Variants in VPS9D1 observed in about 807,000 individuals in gnomAD.
The protein encoded by VPS9D1 is VPS9 domain-containing protein 1.
A neutral mutation model predicts 75.8 loss-of-function variants in VPS9D1; 78 were observed. That is an observed-to-expected ratio of 1.03 (90% CI 0.86 to 1.24). The LOEUF (loss-of-function observed/expected upper bound fraction) is 1.24, where lower values mean the gene tolerates loss of function less well. Ranked by LOEUF, VPS9D1 falls within the 50% of genes most tolerant of loss-of-function variation. VPS9D1 has a pLI of 0.00. For missense variants in VPS9D1, 1,057 were observed against 847.7 expected (o/e 1.25, Z -3.07); for synonymous variants, 481 against 385.6 (o/e 1.25, Z -2.90).
At chr16:89,713,683 G>C (rs2060994949) in intron 4 of VPS9D1, among the ~76,000 whole-genome samples, 1 of 151,966 alleles carries the variant, frequency 6.6e-6, no homozygotes, top group South Asian at 2.1e-4. Flanking sequence ...GACTTCGAAT[G>C]TGGCCCAACA....
At chr16:89,708,170 C>T (rs1306137258) in intron 14 of VPS9D1, among the ~76,000 whole-genome samples, 2 of 152,214 alleles carry the variant, frequency 1.3e-5, no homozygotes, top group Non-Finnish European at 2.9e-5. Flanking sequence ...ATCCTTATCC[C>T]CTCCCCAGGC....
At chr16:89,709,538 A>G (rs72807526) in intron 11 of VPS9D1, 103 bp from the exon 12 acceptor site, 503,196 of 1,347,390 alleles carry the variant, frequency 0.37, 103,239 homozygotes, top group Middle Eastern at 0.42. Context: ...CTGGCTATGT[A>G]TCTCAAGCAA....
Position 89,712,054 on chromosome 16 carries a change from C to A in VPS9D1, c.652G>T (p.Ala218Ser). The change falls in exon 7 of 15, where the codon GCC (alanine) becomes TCC (serine). Residue 218 changes from alanine (A) to serine (S), a missense_variant. By Grantham distance (99) the Ala-to-Ser change is moderately conservative (BLOSUM62 1). Transcript: ENST00000389386. Reference sequence around the variant, plus strand: ...GGCGGGCAGGAGTCCCACCTGTTGGCGGCCTCCTGGAGCCGCAGCCGGCGC... The same window carrying A: ...GGCGGGCAGGAGTCCCACCTGTTGGAGGCCTCCTGGAGCCGCAGCCGGCGC... Reference protein sequence around the residue: ...EERRLRLQEAANRRFCSQVAL... With the variant: ...EERRLRLQEASNRRFCSQVAL... 1 of 1,548,816 alleles carries A rather than the reference C, an allele frequency of 6.5e-7. No homozygotes were observed. Among genetic ancestry groups the A allele is most frequent in the Non-Finnish European group, 8.7e-7 (1 of 1,146,768 alleles).
rs1011100710 is a variant in VPS9D1 at position 89,720,839 on chromosome 16, C to T, written c.23G>A (p.Gly8Asp). 67 of 1,426,572 alleles carry T rather than the reference C, an allele frequency of 4.7e-5. No individual in the cohort carries two copies. The African/African-American group carries it at 8.3e-4, about 18-fold the overall frequency. The allele number at this position is 1,426,572 out of a possible 1,614,324, so 88.4% of individuals were successfully genotyped here. A position where few individuals can be genotyped will look rare whatever the true frequency, so the allele number is the denominator to read the frequency against. MAAAAGDGTVKPLQSAMK... is the reference protein window; with the variant it reads MAAAAGDDTVKPLQSAMK... ...GGCGCTCTGCAGCGGCTTCACCGTG[C>T]CGTCCCCGGCCGCAGCGGCCATGGC... Residue 8 changes from glycine (G) to aspartate (D), a missense_variant, in exon 1 of 15, where the codon GGC becomes GAC. Coordinates refer to ENST00000389386, the MANE Select transcript of VPS9D1 (RefSeq NM_004913.3).
At chr16:89,716,898 G>C (rs564609953) in intron 2 of VPS9D1, 76 bp from the exon 3 acceptor site, 2 of 1,368,490 alleles carry the variant, frequency 1.5e-6, no homozygotes, top group Admixed American at 2.8e-5. Context: ...ATGAGGCAAC[G>C]GAAAAGGCAG....
intron 2 of VPS9D1, chr16:89,718,075 C>A (rs572976923): frequency 1.9e-4 from 85 of 453,146 alleles, no homozygotes; most frequent in African/African-American, 9.6e-4. Flanking sequence ...GACCTCTGTG[C>A]TCTATGTCCA....
rs181230902 is a variant in VPS9D1 at position 89,718,020 on chromosome 16, T to C, written c.175+1007A>G. The C allele has an allele frequency of 1.5e-4, 66 of 452,218 alleles. 1 individual carries two copies. The highest frequency in any genetic ancestry group is 1.3e-3 in the African/African-American group (64 of 48,528). 28.0% of individuals were successfully genotyped at this position (452,218 alleles called of 1,614,324 possible). A position where few individuals can be genotyped will look rare whatever the true frequency, so the allele number is the denominator to read the frequency against. On this transcript the variant is annotated intron_variant, in intron 2 of 14. Transcript: ENST00000389386. ...CCGACCTCTGTGCTCCCACGTCCAG[T>C]GGGTCCCCCTGACCTCTGTGATCCC...
intron 14 of VPS9D1, among the ~76,000 whole-genome samples, 172 bp from the exon 15 acceptor site, chr16:89,708,126 C>T (rs113299359): frequency 2.6e-5 from 4 of 152,228 alleles, no homozygotes; most frequent in African/African-American, 7.2e-5. Flanking sequence ...ACTATGTGCT[C>T]GTCCTTGGAC....
At chr16:89,714,624 G>C (rs141663035) in intron 4 of VPS9D1, among the ~76,000 whole-genome samples, 1 of 152,180 alleles carries the variant, frequency 6.6e-6, no homozygotes, top group Non-Finnish European at 1.5e-5. Flanking sequence ...GACCCTTCTC[G>C]TCTCTCCCAC....
chr16:89,712,955 C>G lies in VPS9D1; in HGVS notation c.432-239G>C, dbSNP rs193247693. 6.7e-3 allele frequency: 2,464 copies of G among 368,174 alleles called. 18 individuals carry two copies. The highest frequency in any genetic ancestry group is 0.031 in the South Asian group (654 of 20,790). The allele number at this position is 368,174 out of a possible 1,614,324, so 22.8% of individuals were successfully genotyped here. On this transcript the variant is annotated intron_variant, in intron 4 of 14. Transcript: ENST00000389386. Reference sequence around the variant, plus strand: ...TGCCAGCACTTTAGGAGGCTAAGGCCGGGCGGATCACCTGAGGTCAGGAGT... The same window carrying G: ...TGCCAGCACTTTAGGAGGCTAAGGCGGGGCGGATCACCTGAGGTCAGGAGT...
chr16:89,711,392 C>T lies in VPS9D1; in HGVS notation c.768G>A (p.Lys256=), dbSNP rs768407828. The T allele has an allele frequency of 1.9e-6, 3 of 1,609,430 alleles. No homozygotes were observed. The East Asian group carries it at 6.7e-5, about 36-fold the overall frequency. ...CCCCCGGATTCCTCTTGAGCTTGGCCTTCCAGTGCTTCGGCCAGTCCTACG... is the reference window on the plus strand; with the variant it reads ...CCCCCGGATTCCTCTTGAGCTTGGCTTTCCAGTGCTTCGGCCAGTCCTACG... ...EQDHDWPKHW[K]AKLKRNPGDL... is the part of the protein sequence containing the mutation. The change falls in exon 9 of 15, where the codon AAG becomes AAA. Residue 256 remains lysine (K), a synonymous_variant. Coordinates refer to ENST00000389386, the MANE Select transcript of VPS9D1 (RefSeq NM_004913.3).
In VPS9D1 at chr16:89,708,924, C is replaced by T. The variant is rs1204712438; in HGVS notation, c.1630G>A (p.Glu544Lys). ...RTLRIICVCA[E>K]DYCPTPEATP... ...GCCTCTGGGGTGGGGCAGTAGTCTT[C>T]CGCACAGACACAGATGATCCGCAGG... The change falls in exon 13 of 15, where the codon GAA becomes AAA. Residue 544 changes from glutamate to lysine, a missense_variant. Physicochemically the swap from Glu to Lys is moderately conservative, Grantham distance 56. Coordinates refer to ENST00000389386, the MANE Select transcript of VPS9D1 (RefSeq NM_004913.3). The T allele has an allele frequency of 6.2e-7, 1 of 1,604,050 alleles. No individual in the cohort carries two copies. Among genetic ancestry groups the T allele is most frequent in the African/African-American group, 1.3e-5 (1 of 74,774 alleles).
At chr16:89,709,469 AG>A (rs771910997) in intron 11 of VPS9D1, 34 bp from the exon 12 acceptor site, 1 of 1,492,424 alleles carries the variant, frequency 6.7e-7, no homozygotes, top group South Asian at 1.3e-5. Flanking sequence ...AAGCTGCCCC[AG>A]GGACCTTGCC....
chr16:89,710,735 G>A lies in VPS9D1; in HGVS notation c.1109C>T (p.Ala370Val). 3 of 1,589,052 alleles carry A rather than the reference G, an allele frequency of 1.9e-6. No individual in the cohort carries two copies. The highest frequency in any genetic ancestry group is 2.6e-6 in the Non-Finnish European group (3 of 1,167,978). ...VGSPSPLGDT[A>V]SGLPDKDSSF... ...GCTGTCCTTGTCTGGCAATCCAGAT[G>A]CGGTGTCCCCCAGGGGTGAGGGAGA... is the stretch of plus-strand genomic sequence containing the variant. Residue 370 changes from alanine (A) to valine (V), a missense_variant, in exon 10 of 15, where the codon GCA becomes GTA. By Grantham distance (64) the Ala-to-Val change is moderately conservative. Coordinates refer to ENST00000389386, the MANE Select transcript of VPS9D1 (RefSeq NM_004913.3).
chr16:89,715,263 G>A (rs1416222043), intron 4 of VPS9D1, among the ~76,000 whole-genome samples: 1 of 129,836 alleles, frequency 7.7e-6, no homozygotes, highest in African/African-American at 2.9e-5. Context: ...GTCTTGCTCT[G>A]TCGCCCAGGC....
At chr16:89,711,286 C>T (rs758607587) in intron 9 of VPS9D1, 41 bp downstream of exon 9, 3 of 1,563,694 alleles carry the variant, frequency 1.9e-6, no homozygotes, top group African/African-American at 2.7e-5. Context: ...GTGCCCAAGG[C>T]CGGTGCGCAG....
intron 14 of VPS9D1, 46 bp from the exon 15 acceptor site, chr16:89,708,000 G>A (rs1195837145): frequency 6.3e-7 from 1 of 1,580,416 alleles, no homozygotes. Flanking sequence ...ACGAACAGAA[G>A]GATACCCCCG....
chr16:89,707,632 T>A lies in VPS9D1; in HGVS notation c.*229A>T, dbSNP rs2060823224. 1 of 524,954 alleles carries A rather than the reference T, an allele frequency of 1.9e-6. No individual in the cohort carries two copies. Among genetic ancestry groups the A allele is most frequent in the Non-Finnish European group, 3.4e-6 (1 of 291,340 alleles). The allele number at this position is 524,954 out of a possible 1,614,324, so 32.5% of individuals were successfully genotyped here. ...GGGCCTGGTTCCTCCTGGAGCTGAT[T>A]CAGCCCCATTCTGTCGGGGCAGAGG... On this transcript the variant is annotated 3_prime_UTR_variant, in exon 15 of 15. Transcript: ENST00000389386.
rs370009199 is a variant in VPS9D1 at position 89,707,849 on chromosome 16, G to A, written c.*12C>T. 1.4e-5 allele frequency: 22 copies of A among 1,612,580 alleles called. No homozygotes were observed. The highest frequency in any genetic ancestry group is 1.7e-5 in the Non-Finnish European group (20 of 1,179,614). On this transcript the variant is annotated 3_prime_UTR_variant, in exon 15 of 15. Transcript: ENST00000389386. Reference sequence around the variant, plus strand: ...AGGCCAGGCCCTGCAGGGACCCTGGGCTCTAGCTGTACTACTTGGCCAGGC... The same window carrying A: ...AGGCCAGGCCCTGCAGGGACCCTGGACTCTAGCTGTACTACTTGGCCAGGC...
Sources: allele counts gnomAD v4.1 joint callset (sites outside exome capture counted in the v4.1 genomes callset), GRCh38; gene constraint gnomAD v4.1.1; transcripts MANE v1.5; gene names NCBI Gene and HGNC (gene_info 2026-07-23, HGNC 2026-07-21).